Variants in KALRN observed in about 807,000 individuals in gnomAD.
KALRN encodes kalirin.
In KALRN, 70 loss-of-function variants were observed where a neutral mutation model predicts 353.7. That is an observed-to-expected ratio of 0.20 (90% CI 0.16 to 0.24). The LOEUF is 0.24. Among genes scored for constraint, KALRN ranks in the 10% least tolerant of loss-of-function variants. KALRN has a pLI of 1.00. For synonymous variants in KALRN, 1,391 were observed against 1,434.8 expected (o/e 0.97, Z 0.69); for missense variants, 2,791 against 3,756.7 (o/e 0.74, Z 6.72).
intron 47 of KALRN, among the ~76,000 whole-genome samples, chr3:124,670,742 C>T (rs2086312567): frequency 6.6e-6 from 1 of 152,194 alleles, no homozygotes. Context: ...AAGAATTGGA[C>T]CTGTATGACA....
At position 124,490,719 on chromosome 3, in the gene KALRN, G is replaced by A. The variant is rs2063069264; in HGVS notation, c.4422G>A (p.Gln1474=). The change falls in exon 30 of 60, where the codon CAG becomes CAA. Residue 1474 remains glutamine, a synonymous_variant. Transcript: ENST00000682506. The part of the protein sequence containing the change: ...LEGFDENLDV[Q]GELILQDAFQ... ...GGTTCGACGAGAACCTGGATGTGCAGGGGGAGTTGATTCTCCAGGATGCCT... is the reference window on the plus strand; with the variant it reads ...GGTTCGACGAGAACCTGGATGTGCAAGGGGAGTTGATTCTCCAGGATGCCT... The A allele has an allele frequency of 1.2e-6, 2 of 1,613,218 alleles. No homozygotes were observed. Among genetic ancestry groups the A allele is most frequent in the Non-Finnish European group, 1.7e-6 (2 of 1,179,812 alleles).
intron 1 of KALRN, among the ~76,000 whole-genome samples, chr3:124,116,925 T>G (rs2063509768): frequency 1.3e-5 from 2 of 152,068 alleles, no homozygotes. Flanking sequence ...GGAGGCAGAG[T>G]CAGATGTTGG....
chr3:124,306,277 T>C (rs940513258), intron 6 of KALRN, among the ~76,000 whole-genome samples: 1 of 152,150 alleles, frequency 6.6e-6, no homozygotes, highest in Non-Finnish European at 1.5e-5. Context: ...TTTTGCCATG[T>C]TGCTCAGGCT....
intron 1 of KALRN, among the ~76,000 whole-genome samples, chr3:124,133,949 A>G (rs2065614548): frequency 6.6e-6 from 1 of 152,212 alleles, no homozygotes; most frequent in African/African-American, 2.4e-5. Flanking sequence ...AAATGACCAT[A>G]CTGCCAAAAG....
At chr3:124,714,308 C>T (rs764786755) in intron 58 of KALRN, among the ~76,000 whole-genome samples, 22 of 152,110 alleles carry the variant, frequency 1.4e-4, no homozygotes, top group Non-Finnish European at 2.6e-4. Context: ...GCTTGTGTTC[C>T]AGTGAAAGGT....
intron 1 of KALRN, among the ~76,000 whole-genome samples, chr3:124,123,168 C>A (rs2064227597): frequency 1.3e-5 from 2 of 148,326 alleles, no homozygotes. Flanking sequence ...CCACTGCACT[C>A]CAGCCTGGAC....
rs61359186 is a variant in KALRN, at chr3:124,347,274, CTGTGTGTG to C, written c.1770+49_1770+56del. 32,707 of 1,152,868 alleles carry C rather than the reference CTGTGTGTG, an allele frequency of 0.028. 858 individuals carry two copies. The highest frequency in any genetic ancestry group is 0.067 in the Middle Eastern group (272 of 4,048). 71.4% of individuals were successfully genotyped at this position (1,152,868 alleles called of 1,614,324 possible). A position where few individuals can be genotyped will look rare whatever the true frequency, so the allele number is the denominator to read the frequency against. ...TTGAAGAGGTGGCTCAGGTGAGAAG[CTGTGTGTG>C]TGTGTGTGTGTGTGTGTGTGTGTGT... is the stretch of plus-strand genomic sequence containing the variant. On this transcript the variant is annotated intron_variant, in intron 10 of 59. Transcript: ENST00000682506.
chr3:124,561,422 A>C (rs986907446), intron 33 of KALRN, among the ~76,000 whole-genome samples: 1 of 152,226 alleles, frequency 6.6e-6, no homozygotes, highest in Non-Finnish European at 1.5e-5. Flanking sequence ...TGCCAACATC[A>C]GTCTGATGCA....
chr3:124,045,532 GT>G (rs1401197469), intron 1 of KALRN, among the ~76,000 whole-genome samples: 1 of 152,186 alleles, frequency 6.6e-6, no homozygotes, highest in Non-Finnish European at 1.5e-5. Context: ...CAACCACTGA[GT>G]TTTGACAGCT....
At chr3:124,051,541 A>G (rs1263330635) in intron 1 of KALRN, among the ~76,000 whole-genome samples, 4 of 152,234 alleles carry the variant, frequency 2.6e-5, no homozygotes, top group Non-Finnish European at 1.5e-5. Flanking sequence ...TTAGTCAGTA[A>G]TAAATCAATG....
chr3:124,068,614 A>G (rs577047402), intron 1 of KALRN, among the ~76,000 whole-genome samples: 116 of 152,314 alleles, frequency 7.6e-4, no homozygotes, highest in African/African-American at 2.7e-3. Flanking sequence ...CCTCTTCCCC[A>G]TCTGCCTTCA....
chr3:124,337,973 A>G (rs1043173306), intron 9 of KALRN, among the ~76,000 whole-genome samples: 49 of 152,150 alleles, frequency 3.2e-4, no homozygotes, highest in Non-Finnish European at 5.9e-5. Context: ...CTGTGGGATC[A>G]GTGGTGGTAT....
chr3:124,444,598 G>A (rs1177660172), intron 19 of KALRN, among the ~76,000 whole-genome samples: 4 of 150,944 alleles, frequency 2.6e-5, no homozygotes, highest in African/African-American at 9.8e-5. Context: ...AGAAGTTTGA[G>A]ACCAGCCTGG....
intron 1 of KALRN, among the ~76,000 whole-genome samples, chr3:124,120,738 ATATATATT>A (rs2063915565): frequency 1.4e-5 from 2 of 144,454 alleles, no homozygotes; most frequent in Admixed American, 6.8e-5. Context: ...ATATATATAT[ATATATATT>A]TTCACATAAT....
intron 33 of KALRN, among the ~76,000 whole-genome samples, chr3:124,510,992 T>G (rs1409734071): frequency 2.0e-5 from 3 of 152,112 alleles, no homozygotes; most frequent in African/African-American, 7.2e-5. Context: ...TAAGTGCTGC[T>G]CTAGGGTGGA....
intron 33 of KALRN, among the ~76,000 whole-genome samples, chr3:124,545,316 G>A (rs2109399146): frequency 6.6e-6 from 1 of 152,302 alleles, no homozygotes; most frequent in Admixed American, 6.5e-5. Flanking sequence ...GCGAGCCTGA[G>A]GTCAACATTA....
chr3:124,574,615 G>C (rs1236581408), intron 34 of KALRN, among the ~76,000 whole-genome samples: 1 of 152,214 alleles, frequency 6.6e-6, no homozygotes, highest in African/African-American at 2.4e-5. Flanking sequence ...GAAGAAGCTG[G>C]AGATGATAGA....
chr3:124,472,601 G>A (rs1336181629), intron 25 of KALRN, among the ~76,000 whole-genome samples: 1 of 148,464 alleles, frequency 6.7e-6, no homozygotes, highest in Non-Finnish European at 1.5e-5. Flanking sequence ...GTGTGTGTGT[G>A]TGTGTACCTG....
At chr3:124,090,214 G>A (rs1324785462) in intron 1 of KALRN, among the ~76,000 whole-genome samples, 3 of 152,104 alleles carry the variant, frequency 2.0e-5, no homozygotes, top group Non-Finnish European at 4.4e-5. Flanking sequence ...GGTAGGGAGG[G>A]ATCAGGTTTT....
Sources: gnomAD v4.1 joint callset for allele counts (sites outside exome capture counted in the v4.1 genomes callset) on GRCh38, gnomAD v4.1.1 for gene constraint, MANE v1.5 for transcripts, NCBI Gene and HGNC (gene_info 2026-07-23, HGNC 2026-07-21) for gene names.